NPIPB2: variants seen among roughly 807,000 people sequenced by gnomAD.
NPIPB2 encodes the protein nuclear pore complex-interacting protein family member B2.
In NPIPB2, 27 loss-of-function variants were observed where a neutral mutation model predicts 30.8. The ratio of observed to expected loss-of-function variants is 0.88; its 90% CI spans 0.65 to 1.21. NPIPB2 has a LOEUF of 1.21. NPIPB2 is among the 50% of genes most tolerant of loss of function. The pLI is 0.00. For synonymous variants in NPIPB2, 147 were observed against 162.0 expected (o/e 0.91, Z 0.70); for missense variants, 440 against 446.2 (o/e 0.99, Z 0.13).
intron 2 of NPIPB2, among the ~76,000 whole-genome samples, chr16:11,935,440 A>G (rs886454073): frequency 2.6e-5 from 4 of 152,000 alleles, no homozygotes; most frequent in African/African-American, 9.7e-5. Context: ...CAGCCTCCCA[A>G]GTAGCTGGGA....
upstream of NPIPB2, chr16:11,942,199 A>G (rs2054951583): frequency 3.4e-6 from 3 of 881,698 alleles, no homozygotes; most frequent in Non-Finnish European, 5.1e-6. Flanking sequence ...ATTTTGTTCC[A>G]GCAAATCTCA....
intron 1 of NPIPB2, chr16:11,967,952 C>CT: frequency 7.7e-7 from 1 of 1,292,096 alleles, no homozygotes. Flanking sequence ...GCCGATACAG[C>CT]TTTTTGTCCT....
intron 1 of NPIPB2, among the ~76,000 whole-genome samples, chr16:11,972,564 G>C (rs1382115046): frequency 6.6e-6 from 1 of 151,554 alleles, no homozygotes; most frequent in East Asian, 1.9e-4. Flanking sequence ...AACACAGTGA[G>C]ACCGCATCTT....
intron 1 of NPIPB2, among the ~76,000 whole-genome samples, chr16:11,948,761 CG>C (rs1213240952): frequency 3.7e-5 from 3 of 80,680 alleles, no homozygotes; most frequent in Non-Finnish European, 6.9e-5. Flanking sequence ...AGCGAGACTC[CG>C]TCTCAAAAAA....
intron 1 of NPIPB2, among the ~76,000 whole-genome samples, chr16:11,974,172 A>G (rs1422899360): frequency 6.6e-6 from 1 of 152,176 alleles, no homozygotes; most frequent in Non-Finnish European, 1.5e-5. Flanking sequence ...TCAAAATGCC[A>G]TATTTTCGGG....
upstream of NPIPB2, among the ~76,000 whole-genome samples, chr16:11,945,331 T>C (rs2054994861): frequency 1.3e-5 from 2 of 151,930 alleles, no homozygotes; most frequent in African/African-American, 4.8e-5. Context: ...CAGTGAGCTC[T>C]GATGGCACCA....
chr16:11,927,527 T>A (rs1391662045), exon 8 of NPIPB2: 1 of 1,590,230 alleles, frequency 6.3e-7, no homozygotes, highest in Non-Finnish European at 8.5e-7. Flanking sequence ...GGGTGGTGAT[T>A]CCATCTCAGC....
At chr16:11,963,665 C>T (rs2150938249) in intron 1 of NPIPB2, among the ~76,000 whole-genome samples, 1 of 152,252 alleles carries the variant, frequency 6.6e-6, no homozygotes, top group East Asian at 1.9e-4. Flanking sequence ...TTGCCATTTC[C>T]TCAAATTTTA....
chr16:11,952,486 T>C (rs912180865), intron 1 of NPIPB2, among the ~76,000 whole-genome samples: 7 of 152,086 alleles, frequency 4.6e-5, no homozygotes, highest in Non-Finnish European at 1.0e-4. Context: ...CAAATGGAAA[T>C]AGGACCCACC....
At chr16:11,952,031 C>G (rs1017667660) in intron 1 of NPIPB2, among the ~76,000 whole-genome samples, 9 of 151,520 alleles carry the variant, frequency 5.9e-5, no homozygotes, top group Non-Finnish European at 1.0e-4. Flanking sequence ...TAGTGGCGGG[C>G]GCCTGTAGTC....
exon 3 of NPIPB2, chr16:11,933,854 G>A (rs771012614): frequency 2.3e-5 from 36 of 1,575,780 alleles, no homozygotes; most frequent in Non-Finnish European, 3.1e-5. Context: ...GGACCTCCTG[G>A]CTCTCTGCTG....
In NPIPB2 at chr16:11,933,480, G is replaced by A. The variant is rs1391199758; in HGVS notation, c.488+37C>T. On this transcript the variant is annotated intron_variant, in intron 4 of 7. Coordinates refer to ENST00000399147, the Ensembl canonical transcript of NPIPB2. ...AGTTGTCTACTTTGATTGGCACATG[G>A]TTCATACAACAATATTTGTGTCAAG... The A allele has an allele frequency of 3.1e-6, 5 of 1,596,288 alleles. No homozygotes were observed. The African/African-American group carries it at 6.7e-5, about 21-fold the overall frequency.
At chr16:11,947,964 T>A (rs1472480423) in intron 1 of NPIPB2, among the ~76,000 whole-genome samples, 2 of 148,758 alleles carry the variant, frequency 1.3e-5, no homozygotes, top group Non-Finnish European at 3.0e-5. Context: ...GGATACTAGG[T>A]GGACAACTAC....
intron 2 of NPIPB2, 40 bp from the exon 3 acceptor site, chr16:11,933,964 G>C: frequency 6.8e-7 from 1 of 1,464,278 alleles, no homozygotes; most frequent in Admixed American, 1.7e-5. Context: ...TGGGCACGGT[G>C]GTTCATGCGT....
intron 2 of NPIPB2, among the ~76,000 whole-genome samples, chr16:11,935,417 G>A (rs543423911): frequency 1.3e-5 from 2 of 152,170 alleles, no homozygotes; most frequent in East Asian, 1.9e-4. Flanking sequence ...AGATTCAAGC[G>A]ATTCTTGTGC....
chr16:11,941,666 G>C (rs989167018), intron 1 of NPIPB2, among the ~76,000 whole-genome samples: 12 of 151,506 alleles, frequency 7.9e-5, no homozygotes, highest in African/African-American at 2.2e-4. Flanking sequence ...ACCAACCCTG[G>C]GGCTTTATAC....
chr16:11,927,530 A>G (rs759700600), exon 8 of NPIPB2: 2 of 1,578,554 alleles, frequency 1.3e-6, no homozygotes, highest in South Asian at 1.1e-5. Context: ...TGGTGATTCC[A>G]TCTCAGCCGC....
chr16:11,943,972 T>C (rs1281797937), upstream of NPIPB2, among the ~76,000 whole-genome samples: 3 of 102,190 alleles, frequency 2.9e-5, no homozygotes, highest in African/African-American at 3.9e-5. Flanking sequence ...CACTCCAGCC[T>C]GGGTGACAGA....
At chr16:11,951,984 C>A (rs1044181565) in intron 1 of NPIPB2, among the ~76,000 whole-genome samples, 1 of 152,040 alleles carries the variant, frequency 6.6e-6, no homozygotes, top group Non-Finnish European at 1.5e-5. Context: ...ACGGTGAAAC[C>A]CCGACTCTAC....
Sources: gnomAD v4.1 joint callset for allele counts (sites outside exome capture counted in the v4.1 genomes callset) on GRCh38, gnomAD v4.1.1 for gene constraint, MANE v1.5 for transcripts, NCBI Gene and HGNC (gene_info 2026-07-23, HGNC 2026-07-21) for gene names.